PAK5: variants seen among roughly 807,000 people sequenced by gnomAD.
PAK5 encodes serine/threonine-protein kinase PAK 5.
PAK5 carries 16 observed loss-of-function variants against 65.9 expected under a neutral mutation model. The ratio of observed to expected loss-of-function variants is 0.24; its 90% CI spans 0.16 to 0.37. The LOEUF is 0.37. PAK5 is among the 10% of genes least tolerant of loss of function. The probability of loss-of-function intolerance (pLI) is 1.00; values close to 1 mark genes in which losing one functional copy is unlikely to be tolerated. For synonymous variants in PAK5, 371 were observed against 354.9 expected (o/e 1.05, Z -0.51); for missense variants, 785 against 903.9 (o/e 0.87, Z 1.69).
chr20:9,765,657 C>T (rs1230946904), intron 1 of PAK5, among the ~76,000 whole-genome samples: 1 of 152,064 alleles, frequency 6.6e-6, no homozygotes, highest in Non-Finnish European at 1.5e-5. Flanking sequence ...CATCAAGCCG[C>T]CCTCTCCCTG....
chr20:9,607,340 A>G (rs1255377091), intron 3 of PAK5, among the ~76,000 whole-genome samples: 2 of 152,272 alleles, frequency 1.3e-5, no homozygotes, highest in Admixed American at 1.3e-4. Flanking sequence ...AGAAGTGCCA[A>G]GGCCAATATA....
chr20:9,756,213 C>T (rs2048632114), intron 1 of PAK5, among the ~76,000 whole-genome samples: 1 of 152,200 alleles, frequency 6.6e-6, no homozygotes, highest in African/African-American at 2.4e-5. Flanking sequence ...TATTAATATT[C>T]TATAAAATAT....
chr20:9,806,145 T>C (rs202197390), intron 1 of PAK5, among the ~76,000 whole-genome samples: 3 of 138,954 alleles, frequency 2.2e-5, no homozygotes, highest in Non-Finnish European at 3.1e-5. Context: ...TATTTATTTA[T>C]TTATTTATTT....
At chr20:9,722,089 C>T (rs1192806907) in intron 1 of PAK5, among the ~76,000 whole-genome samples, 1 of 151,976 alleles carries the variant, frequency 6.6e-6, no homozygotes, top group Non-Finnish European at 1.5e-5. Flanking sequence ...CAGAAAATTA[C>T]TAGAGAAAGA....
chr20:9,596,493 G>A (rs1379517528), intron 3 of PAK5, among the ~76,000 whole-genome samples: 62 of 151,994 alleles, frequency 4.1e-4, no homozygotes, highest in Non-Finnish European at 8.8e-5. Context: ...AAAATTAGCC[G>A]GGCGTGGTGG....
At chr20:9,790,893 A>C (rs574274175) in intron 1 of PAK5, among the ~76,000 whole-genome samples, 2 of 152,076 alleles carry the variant, frequency 1.3e-5, no homozygotes, top group East Asian at 3.9e-4. Context: ...TGTACCATAC[A>C]CTCTTGTAAT....
chr20:9,644,475 T>G, intron 2 of PAK5, 136 bp from the exon 3 acceptor site: 1 of 629,566 alleles, frequency 1.6e-6, no homozygotes, highest in South Asian at 2.0e-5. Context: ...AGATAAAAGT[T>G]GAGTTTTCAG....
At chr20:9,584,076 C>G (rs1037950532) in intron 3 of PAK5, among the ~76,000 whole-genome samples, 9 of 152,068 alleles carry the variant, frequency 5.9e-5, no homozygotes, top group African/African-American at 7.2e-5. Flanking sequence ...TGGAGCCTCC[C>G]TTAGAGAAAG....
At chr20:9,686,330 G>A (rs557148944) in intron 2 of PAK5, among the ~76,000 whole-genome samples, 146 of 152,302 alleles carry the variant, frequency 9.6e-4, no homozygotes, top group African/African-American at 3.4e-3. Flanking sequence ...GGTAGATGAT[G>A]TGAGGGCAGG....
chr20:9,758,010 AG>A (rs2048655555), intron 1 of PAK5, among the ~76,000 whole-genome samples: 1 of 152,226 alleles, frequency 6.6e-6, no homozygotes, highest in African/African-American at 2.4e-5. Context: ...TATAAATAAC[AG>A]GATTCTTTGC....
At chr20:9,547,043 T>C (rs1603194796) in intron 7 of PAK5, among the ~76,000 whole-genome samples, 1 of 152,146 alleles carries the variant, frequency 6.6e-6, no homozygotes, top group Admixed American at 6.6e-5. Flanking sequence ...TGAGGTCATA[T>C]TGGATTGGGG....
At chr20:9,747,520 G>T (rs1241214189) in intron 1 of PAK5, among the ~76,000 whole-genome samples, 3 of 151,092 alleles carry the variant, frequency 2.0e-5, no homozygotes, top group Non-Finnish European at 4.4e-5. Flanking sequence ...GGGATGCAAG[G>T]CTGGTTCAAT....
At chr20:9,678,481 G>A (rs2123394434) in intron 2 of PAK5, among the ~76,000 whole-genome samples, 2 of 152,244 alleles carry the variant, frequency 1.3e-5, no homozygotes, top group East Asian at 3.9e-4. Context: ...GCAGAAGAAT[G>A]GCGTGAACCC....
At chr20:9,774,970 G>A (rs1233939906) in intron 1 of PAK5, among the ~76,000 whole-genome samples, 3 of 151,816 alleles carry the variant, frequency 2.0e-5, no homozygotes, top group Non-Finnish European at 2.9e-5. Flanking sequence ...ACAAACGAAC[G>A]AACAAACAAA....
intron 2 of PAK5, among the ~76,000 whole-genome samples, chr20:9,657,458 T>C (rs1023210296): frequency 1.3e-5 from 2 of 152,226 alleles, no homozygotes; most frequent in African/African-American, 2.4e-5. Flanking sequence ...GTATGAATAA[T>C]ACTGTACAGG....
chr20:9,743,409 A>C (rs2048471896), intron 1 of PAK5, among the ~76,000 whole-genome samples: 1 of 149,150 alleles, frequency 6.7e-6, no homozygotes, highest in Non-Finnish European at 1.5e-5. Flanking sequence ...AACAAACGAA[A>C]CAAAACAAAA....
chr20:9,751,586 A>G (rs16996371), intron 1 of PAK5, among the ~76,000 whole-genome samples: 26,914 of 152,138 alleles, frequency 0.18, 2,702 homozygotes, highest in East Asian at 0.28. Context: ...GCCTTTATCT[A>G]GCAAAGACCC....
intron 3 of PAK5, among the ~76,000 whole-genome samples, chr20:9,620,000 G>A (rs2046741096): frequency 6.6e-6 from 1 of 152,126 alleles, no homozygotes; most frequent in African/African-American, 2.4e-5. Flanking sequence ...TTTTTCACAT[G>A]CAACTTGTTA....
intron 3 of PAK5, among the ~76,000 whole-genome samples, chr20:9,624,050 G>T (rs2046808023): frequency 6.6e-6 from 1 of 152,166 alleles, no homozygotes; most frequent in South Asian, 2.1e-4. Context: ...TAGGGTCATG[G>T]TATGTCTTGT....
Sources: gnomAD v4.1 joint callset for allele counts (sites outside exome capture counted in the v4.1 genomes callset) on GRCh38, gnomAD v4.1.1 for gene constraint, MANE v1.5 for transcripts, NCBI Gene and HGNC (gene_info 2026-07-23, HGNC 2026-07-21) for gene names.